The following EVI5 variants were observed in gnomAD, a reference collection of about 807,000 sequenced individuals.
EVI5 encodes the protein ecotropic viral integration site 5 protein homolog.
EVI5 carries 73 observed loss-of-function variants against 112.0 expected under a neutral mutation model. The observed-to-expected ratio is 0.65, with a 90% CI of 0.54 to 0.79. The LOEUF is 0.79. Among genes scored for constraint, EVI5 ranks in the 30% least tolerant of loss-of-function variants. The pLI, the probability that EVI5 is intolerant of heterozygous loss-of-function variation, is 0.00. For missense variants in EVI5, 900 were observed against 968.8 expected (o/e 0.93, Z 0.94); for synonymous variants, 305 against 319.9 (o/e 0.95, Z 0.50).
At chr1:92,536,311 G>A (rs1162883383) in intron 19 of EVI5, among the ~76,000 whole-genome samples, 16 of 152,130 alleles carry the variant, frequency 1.1e-4, no homozygotes, top group Non-Finnish European at 1.5e-5. Flanking sequence ...AAAGCGATAA[G>A]TTATTATACA....
chr1:92,632,443 T>A (rs1445864696), intron 14 of EVI5, among the ~76,000 whole-genome samples: 5 of 152,264 alleles, frequency 3.3e-5, no homozygotes, highest in Admixed American at 2.0e-4. Context: ...TATCCATTAC[T>A]TCCAGATTTT....
chr1:92,731,530 G>A (rs1275840036), intron 2 of EVI5, among the ~76,000 whole-genome samples: 1 of 152,134 alleles, frequency 6.6e-6, no homozygotes, highest in Non-Finnish European at 1.5e-5. Flanking sequence ...ATTTCAGCAG[G>A]CGTTTTTGTA....
chr1:92,572,482 A>T (rs147112409), intron 18 of EVI5, among the ~76,000 whole-genome samples: 423 of 152,256 alleles, frequency 2.8e-3, no homozygotes, highest in Admixed American at 5.4e-3. Context: ...CTAAAAAGTA[A>T]ACACTGGTCT....
chr1:92,789,298 C>A (rs1426867262), upstream of EVI5, among the ~76,000 whole-genome samples: 2 of 149,528 alleles, frequency 1.3e-5, no homozygotes, highest in South Asian at 2.1e-4. Flanking sequence ...TTCAAGCCAT[C>A]CTCCTGCCTC....
chr1:92,624,795 T>C (rs1388780798), intron 15 of EVI5, among the ~76,000 whole-genome samples: 1 of 150,758 alleles, frequency 6.6e-6, no homozygotes. Flanking sequence ...GGTCACCATA[T>C]TAAACAACTT....
intron 16 of EVI5, among the ~76,000 whole-genome samples, chr1:92,617,128 G>C (rs1653368295): frequency 6.6e-6 from 1 of 152,240 alleles, no homozygotes; most frequent in Non-Finnish European, 1.5e-5. Context: ...GGCACCACCT[G>C]AAAGTGGACA....
rs60176029 is a variant in EVI5 at position 92,604,354 on chromosome 1, C to CA, written c.2070+952dup. ...TGGGCAACAGAGTGAGATCCTGCCT[C>CA]AAAAAAAAAAAAAATTAAAACATTT... On this transcript the variant is annotated intron_variant, in intron 18 of 19. Coordinates refer to ENST00000684568, the MANE Select transcript of EVI5 (RefSeq NM_001350197.2). 2.5e-3 allele frequency among the ~76,000 whole-genome samples: 284 copies of CA among 112,286 alleles called. 2 individuals carry two copies. Among genetic ancestry groups the CA allele is most frequent in the African/African-American group, 4.6e-3 (136 of 29,714 alleles). The allele number at this position is 112,286 out of a possible 152,430, so 73.7% of individuals were successfully genotyped here.
At chr1:92,528,513 A>C (rs756363026) in intron 19 of EVI5, among the ~76,000 whole-genome samples, 2 of 152,238 alleles carry the variant, frequency 1.3e-5, no homozygotes, top group Non-Finnish European at 2.9e-5. Flanking sequence ...AACAGGGCTC[A>C]TAACAGTTTT....
intron 9 of EVI5, among the ~76,000 whole-genome samples, chr1:92,688,683 T>C (rs1668980991): frequency 6.6e-6 from 1 of 152,142 alleles, no homozygotes; most frequent in Non-Finnish European, 1.5e-5. Context: ...TAGATAGAAA[T>C]TGAAAGTCTA....
At chr1:92,592,820 A>C (rs1674211845) in intron 18 of EVI5, among the ~76,000 whole-genome samples, 1 of 152,260 alleles carries the variant, frequency 6.6e-6, no homozygotes, top group Non-Finnish European at 1.5e-5. Context: ...GAAAATCTAG[A>C]AGTAATGGAT....
intron 2 of EVI5, among the ~76,000 whole-genome samples, chr1:92,706,011 T>C (rs1228917738): frequency 6.6e-6 from 1 of 151,988 alleles, no homozygotes; most frequent in Non-Finnish European, 1.5e-5. Flanking sequence ...AATTCCAAAT[T>C]CCAGGTATGT....
rs866884961 is a variant in EVI5, at chr1:92,758,924, T to C, written c.-81-22297A>G. 3.3e-5 allele frequency among the ~76,000 whole-genome samples: 5 copies of C among 151,950 alleles called. No homozygotes were observed. The South Asian group carries it at 1.0e-3, about 32-fold the overall frequency. ...AGCAGCCTAAAGAAGACAAATACTG[T>C]CTAATGTAATTTTGTTTTTAAAGTA... is the stretch of plus-strand genomic sequence containing the variant. On this transcript the variant is annotated intron_variant, in intron 1 of 19. Transcript: ENST00000684568.
At chr1:92,755,270 C>T (rs924400095) in intron 1 of EVI5, among the ~76,000 whole-genome samples, 1 of 151,662 alleles carries the variant, frequency 6.6e-6, no homozygotes, top group Non-Finnish European at 1.5e-5. Flanking sequence ...ATTAGCCGGA[C>T]GTGGGTGGCA....
intron 13 of EVI5, among the ~76,000 whole-genome samples, chr1:92,659,178 C>T (rs1663544178): frequency 6.6e-6 from 1 of 151,882 alleles, no homozygotes. Context: ...AACCTATCTG[C>T]TCATTGGCCT....
intron 19 of EVI5, among the ~76,000 whole-genome samples, chr1:92,517,799 T>C (rs1660159463): frequency 6.6e-6 from 1 of 152,204 alleles, no homozygotes; most frequent in Non-Finnish European, 1.5e-5. Flanking sequence ...TATTTTGGTT[T>C]TGTTTGAAAT....
intron 1 of EVI5, chr1:92,784,311 T>G: frequency 1.0e-6 from 1 of 985,426 alleles, no homozygotes; most frequent in Non-Finnish European, 1.2e-6. Flanking sequence ...GATTCAGGAA[T>G]GGCTACAAAC....
chr1:92,729,830 C>T (rs1354483810), intron 2 of EVI5, among the ~76,000 whole-genome samples: 4 of 152,056 alleles, frequency 2.6e-5, no homozygotes, highest in Admixed American at 2.0e-4. Flanking sequence ...GGATATGGAG[C>T]GCAGACTGTA....
At chr1:92,548,564 T>A (rs1031945274) in intron 19 of EVI5, among the ~76,000 whole-genome samples, 1 of 152,192 alleles carries the variant, frequency 6.6e-6, no homozygotes, top group Non-Finnish European at 1.5e-5. Flanking sequence ...TTGTCCCTGT[T>A]TGCAGATGAC....
chr1:92,791,403 AAGC>A (rs761497004), intron 1 of EVI5, among the ~76,000 whole-genome samples: 25 of 152,254 alleles, frequency 1.6e-4, no homozygotes, highest in Non-Finnish European at 2.6e-4. Context: ...ATATCTACTT[AAGC>A]ACTGAAGTGA....
Sources: allele counts gnomAD v4.1 joint callset (sites outside exome capture counted in the v4.1 genomes callset), GRCh38; gene constraint gnomAD v4.1.1; transcripts MANE v1.5; gene names NCBI Gene and HGNC (gene_info 2026-07-23, HGNC 2026-07-21).